The following WDR62 variants were observed in gnomAD, a reference collection of about 807,000 sequenced individuals.
WDR62 encodes the protein WD repeat domain 62.
Under a neutral mutation model 160.6 loss-of-function variants are expected in WDR62, and 112 were observed. The ratio of observed to expected loss-of-function variants is 0.70; its 90% CI spans 0.60 to 0.82. WDR62 has a LOEUF of 0.82. Ranked by LOEUF, WDR62 falls within the 40% of genes least tolerant of loss-of-function variation. The probability of loss-of-function intolerance (pLI) is 0.00; values close to 1 mark genes in which losing one functional copy is unlikely to be tolerated. For synonymous variants in WDR62, 792 were observed against 815.1 expected, an observed-to-expected ratio of 0.97 and a Z score of 0.48; for missense variants, 1,819 against 1,983.8, an observed-to-expected ratio of 0.92 and a Z score of 1.58.
At chr19:36,107,533 G>T (rs1310611758), downstream of WDR62, among the ~76,000 whole-genome samples, 1 of 151,954 alleles carries the variant, frequency 6.6e-6, no homozygotes, top group Non-Finnish European at 1.5e-5. Flanking sequence ...AGGAGCAAAG[G>T]CACAGAGCAG....
intron 3 of WDR62, chr19:36,060,259 C>A (rs1970579341): frequency 1.7e-6 from 1 of 585,848 alleles, no homozygotes; most frequent in Non-Finnish European, 3.1e-6. Flanking sequence ...GTAAACTAGT[C>A]AGCAAATTAC....
chr19:36,059,433 CT>C (rs1469803635), intron 2 of WDR62, among the ~76,000 whole-genome samples: 1 of 152,112 alleles, frequency 6.6e-6, no homozygotes. Flanking sequence ...CTCTTTCTCT[CT>C]TTTTGTTTTG....
chr19:36,094,274 C>G, intron 20 of WDR62, 110 bp downstream of exon 20: 1 of 1,426,512 alleles, frequency 7.0e-7, no homozygotes, highest in Non-Finnish European at 9.7e-7. Context: ...CAGGAGTCGA[C>G]AGGGTGCGGT....
At chr19:36,092,666 G>A (rs776871058) in intron 18 of WDR62, 23 bp from the exon 19 acceptor site, 1 of 1,613,898 alleles carries the variant, frequency 6.2e-7, no homozygotes, top group Non-Finnish European at 8.5e-7. Flanking sequence ...TCTGCCTTGT[G>A]TGTCTCTCTT....
At chr19:36,075,298 T>G (rs1971516819) in intron 9 of WDR62, 1 of 152,314 alleles carries the variant, frequency 6.6e-6, no homozygotes, top group East Asian at 1.9e-4. Context: ...CCTCCCAAAG[T>G]GCTGGGATTA....
In WDR62 at chr19:36,102,097, C is replaced by T; in HGVS notation, c.3166C>T (p.Gln1056Ter). 6.2e-7 allele frequency: 1 copy of T among 1,614,182 alleles called. No individual in the cohort carries two copies. The highest frequency in any genetic ancestry group is 8.5e-7 in the Non-Finnish European group (1 of 1,180,034). The part of the protein sequence containing the change: ...PSSSLPQTPE[Q>*]EKFLRHHFET... ...CAGCTCCCTACCCCAGACTCCGGAGCAGGAGAAGTTCCTCCGCCACCACTT... is the reference window on the plus strand; with the variant it reads ...CAGCTCCCTACCCCAGACTCCGGAGTAGGAGAAGTTCCTCCGCCACCACTT... The change falls in exon 26 of 32, where the codon CAG (glutamine) becomes TAG (stop). Residue 1056 changes from glutamine (Q) to a stop codon, truncating the protein, a stop_gained. Coordinates refer to ENST00000401500, the MANE Select transcript of WDR62 (RefSeq NM_001083961.2). LOFTEE classifies it high-confidence loss of function.
intron 31 of WDR62, 27 bp from the exon 32 acceptor site, chr19:36,104,741 C>T (rs538052571): frequency 6.2e-7 from 1 of 1,613,794 alleles, no homozygotes; most frequent in Admixed American, 1.7e-5. Context: ...CCTTGGTGGC[C>T]CCTGACAAGG....
intron 26 of WDR62, 120 bp downstream of exon 26, chr19:36,102,271 GTTTT>G: frequency 6.9e-7 from 1 of 1,446,840 alleles, no homozygotes. Context: ...CAACTGCTTC[GTTTT>G]TTTTGAGACG....
chr19:36,071,412 C>T (rs1330953143), intron 7 of WDR62, 144 bp from the exon 8 acceptor site: 12 of 948,964 alleles, frequency 1.3e-5, no homozygotes, highest in Non-Finnish European at 1.9e-5. Flanking sequence ...TTTCACAAAT[C>T]TTAAAATATG....
chr19:36,082,978 G>A (rs537159291), intron 10 of WDR62, 85 bp from the exon 11 acceptor site: 73 of 1,242,152 alleles, frequency 5.9e-5, no homozygotes, highest in Admixed American at 2.7e-4. Context: ...TATTACTAAC[G>A]AAGAAGAGAC....
chr19:36,093,600 T>G (rs1429072451), intron 19 of WDR62, among the ~76,000 whole-genome samples: 2 of 152,176 alleles, frequency 1.3e-5, no homozygotes, highest in Admixed American at 1.3e-4. Flanking sequence ...TGAGGTGGTG[T>G]TAGAGATATC....
chr19:36,100,072 C>G (rs1018856194), intron 22 of WDR62, among the ~76,000 whole-genome samples: 1 of 152,120 alleles, frequency 6.6e-6, no homozygotes, highest in Non-Finnish European at 1.5e-5. Context: ...GCCTAGGCAA[C>G]GTAGCAAGAT....
At chr19:36,098,293 G>A (rs1469984939) in intron 21 of WDR62, among the ~76,000 whole-genome samples, 1 of 151,778 alleles carries the variant, frequency 6.6e-6, no homozygotes, top group Non-Finnish European at 1.5e-5. Context: ...GAGACCGGGT[G>A]CGGTGGCTCA....
chr19:36,095,214 T>C (rs1451365671), intron 20 of WDR62, among the ~76,000 whole-genome samples: 2 of 152,146 alleles, frequency 1.3e-5, no homozygotes, highest in Non-Finnish European at 2.9e-5. Flanking sequence ...ATCTTTTGGC[T>C]CTGCTTTTCT....
At position 36,066,332 on chromosome 19, in the gene WDR62, T is replaced by A. The variant is rs1970937797; in HGVS notation, c.466T>A (p.Tyr156Asn). 10 of 1,614,124 alleles carry A rather than the reference T, an allele frequency of 6.2e-6. No homozygotes were observed. Among genetic ancestry groups the A allele is most frequent in the Non-Finnish European group, 8.5e-6 (10 of 1,179,990 alleles). The change falls in exon 5 of 32, where the codon TAT (tyrosine) becomes AAT (asparagine). Residue 156 changes from tyrosine (Y) to asparagine (N), a missense_variant. Tyr to Asn is a moderately radical substitution (Grantham distance 143). This residue lies in a region of WDR62 where 934 missense variants were observed against 1,157.2 expected (regional missense o/e 0.81). Transcript: ENST00000401500. ...GGTGGCGGAGATGCTAGGCCACAAG[T>A]ATGGTGTGGCGTGTGTGGCCTTCTC... ...NQVAEMLGHK[Y>N]GVACVAFSPN...
chr19:36,107,072 G>T (rs928612861), downstream of WDR62, among the ~76,000 whole-genome samples: 4 of 152,160 alleles, frequency 2.6e-5, no homozygotes, highest in Admixed American at 2.6e-4. Context: ...CTTCCAACCT[G>T]TATCATAGTA....
In WDR62 at chr19:36,066,004, G is replaced by C. The variant is rs1226697925; in HGVS notation, c.379G>C (p.Val127Leu). Reference sequence around the variant, plus strand: ...CTTCTCCCCTGATGGGAAGTACATAGTGACAGGGGAGGTGAGTCGTGATCG... The same window carrying C: ...CTTCTCCCCTGATGGGAAGTACATACTGACAGGGGAGGTGAGTCGTGATCG... The part of the protein sequence containing the change: ...LAFSPDGKYI[V>L]TGENGHRPAV... Residue 127 changes from valine (V) to leucine (L), a missense_variant, in exon 4 of 32, where the codon GTG becomes CTG. By Grantham distance (32) the Val-to-Leu change is conservative (BLOSUM62 1). Around this residue, in one of 3 missense-constraint regions of WDR62, gnomAD observed 934 missense variants for 1,157.2 expected, o/e 0.81. Transcript: ENST00000401500. The C allele has an allele frequency of 1.9e-6, 3 of 1,614,056 alleles. No homozygotes were observed. The highest frequency in any genetic ancestry group is 2.5e-6 in the Non-Finnish European group (3 of 1,180,044).
intron 24 of WDR62, 44 bp downstream of exon 24, chr19:36,101,361 C>A: frequency 6.5e-7 from 1 of 1,528,540 alleles, no homozygotes; most frequent in South Asian, 1.2e-5. Flanking sequence ...TCTGTGCGTT[C>A]AGCCAAGCCC....
At chr19:36,100,975 G>A in intron 23 of WDR62, 100 bp downstream of exon 23, 1 of 1,583,172 alleles carries the variant, frequency 6.3e-7, no homozygotes, top group Non-Finnish European at 8.7e-7. Context: ...TGGGCTTGTG[G>A]GAGTGGGGAC....
Sources: allele counts gnomAD v4.1 joint callset (sites outside exome capture counted in the v4.1 genomes callset), GRCh38; gene constraint gnomAD v4.1.1; regional missense constraint gnomAD v4.1.1; transcripts MANE v1.5; gene names NCBI Gene and HGNC (gene_info 2026-07-23, HGNC 2026-07-21).